Variants in ARL15 observed in about 807,000 individuals in gnomAD.
The protein encoded by ARL15 is ADP-ribosylation factor-like protein 15.
A neutral mutation model predicts 25.2 loss-of-function variants in ARL15; 19 were observed. The ratio of observed to expected loss-of-function variants is 0.75; its 90% CI spans 0.53 to 1.10. The LOEUF (loss-of-function observed/expected upper bound fraction) is 1.10, where lower values mean the gene tolerates loss of function less well. Among genes scored for constraint, ARL15 ranks in the 50% least tolerant of loss-of-function variants. The pLI, the probability that ARL15 is intolerant of heterozygous loss-of-function variation, is 0.00. For synonymous variants in ARL15, 94 were observed against 86.8 expected (o/e 1.08, Z -0.46); for missense variants, 220 against 246.0 (o/e 0.89, Z 0.71).
intron 1 of ARL15, among the ~76,000 whole-genome samples, chr5:54,263,347 A>C (rs1446960120): frequency 6.6e-6 from 1 of 152,178 alleles, no homozygotes; most frequent in African/African-American, 2.4e-5. Context: ...CAAATAAAAA[A>C]AGATTAGATA....
chr5:53,958,820 A>C (rs537635594), intron 4 of ARL15, among the ~76,000 whole-genome samples: 1 of 152,352 alleles, frequency 6.6e-6, no homozygotes, highest in African/African-American at 2.4e-5. Flanking sequence ...AAAAAAAGAT[A>C]TTATGTATTG....
intron 1 of ARL15, among the ~76,000 whole-genome samples, chr5:54,308,893 T>C (rs1283115391): frequency 6.6e-6 from 1 of 152,248 alleles, no homozygotes; most frequent in Non-Finnish European, 1.5e-5. Flanking sequence ...AATTAGCTTT[T>C]AGTAGTACAG....
chr5:53,906,816 G>C (rs1745263182), intron 4 of ARL15, among the ~76,000 whole-genome samples: 1 of 152,068 alleles, frequency 6.6e-6, no homozygotes, highest in African/African-American at 2.4e-5. Flanking sequence ...TCCTATATCT[G>C]CACAAAGCAT....
At chr5:53,940,701 C>T (rs975293001) in intron 4 of ARL15, among the ~76,000 whole-genome samples, 3 of 152,176 alleles carry the variant, frequency 2.0e-5, no homozygotes, top group Non-Finnish European at 2.9e-5. Context: ...AACATGCATA[C>T]TTCACTTATG....
intron 1 of ARL15, among the ~76,000 whole-genome samples, chr5:54,298,683 C>T (rs900625726): frequency 6.6e-6 from 1 of 152,104 alleles, no homozygotes; most frequent in Non-Finnish European, 1.5e-5. Context: ...CATGACAGCC[C>T]TCTGGCCAAG....
At chr5:54,271,779 C>A (rs557752332) in intron 1 of ARL15, among the ~76,000 whole-genome samples, 2 of 152,188 alleles carry the variant, frequency 1.3e-5, no homozygotes, top group South Asian at 4.2e-4. Context: ...TTCAGATTCA[C>A]CTTATATAAT....
chr5:54,151,936 C>A (rs1754080932), intron 3 of ARL15, among the ~76,000 whole-genome samples: 2 of 152,078 alleles, frequency 1.3e-5, no homozygotes, highest in Non-Finnish European at 2.9e-5. Flanking sequence ...GCAGGGAGAA[C>A]AGGGGCCATG....
intron 1 of ARL15, among the ~76,000 whole-genome samples, chr5:54,188,616 G>A (rs2112450743): frequency 6.6e-6 from 1 of 152,198 alleles, no homozygotes. Context: ...AGAGGATCAG[G>A]GCTCACTTGG....
At chr5:54,075,661 ATTT>A (rs1751575646) in intron 4 of ARL15, 1 of 151,732 alleles carries the variant, frequency 6.6e-6, no homozygotes, top group African/African-American at 2.4e-5. Context: ...TAATTTTTGT[ATTT>A]TTAGTAGAGA....
intron 4 of ARL15, among the ~76,000 whole-genome samples, chr5:53,925,007 A>T (rs1448321558): frequency 6.6e-6 from 1 of 152,162 alleles, no homozygotes; most frequent in Non-Finnish European, 1.5e-5. Flanking sequence ...GCATTTTCAC[A>T]GAAGTCTCCT....
chr5:54,172,058 G>A, intron 1 of ARL15, 130 bp from the exon 2 acceptor site: 1 of 1,138,344 alleles, frequency 8.8e-7, no homozygotes, highest in Non-Finnish European at 1.2e-6. Context: ...GAAGAAAACG[G>A]TAACTTTAGA....
At chr5:53,926,733 T>A (rs114193381) in intron 4 of ARL15, among the ~76,000 whole-genome samples, 4,384 of 152,240 alleles carry the variant, frequency 0.029, 248 homozygotes, top group African/African-American at 0.1. Context: ...AATGATTCTC[T>A]CTCTGCCATC....
intron 4 of ARL15, among the ~76,000 whole-genome samples, chr5:53,981,900 C>CAA (rs553509243): frequency 6.9e-6 from 1 of 144,624 alleles, no homozygotes; most frequent in Admixed American, 7.0e-5. Flanking sequence ...AACTCTGTCT[C>CAA]AAAAAAAAAG....
intron 1 of ARL15, among the ~76,000 whole-genome samples, chr5:54,225,446 C>T (rs1756493245): frequency 6.6e-6 from 1 of 152,058 alleles, no homozygotes; most frequent in African/African-American, 2.4e-5. Context: ...TGCCGACTTG[C>T]AAGAAGAGTC....
intron 4 of ARL15, among the ~76,000 whole-genome samples, chr5:53,964,702 A>G (rs2112161772): frequency 6.6e-6 from 1 of 152,300 alleles, no homozygotes; most frequent in Non-Finnish European, 1.5e-5. Context: ...ACCAAAATTC[A>G]TAGGCTCCCT....
At chr5:53,971,377 A>G (rs1381781687) in intron 4 of ARL15, among the ~76,000 whole-genome samples, 2 of 152,170 alleles carry the variant, frequency 1.3e-5, no homozygotes, top group Non-Finnish European at 2.9e-5. Flanking sequence ...TGAAAGAGAG[A>G]AAACTTGCCA....
intron 4 of ARL15, among the ~76,000 whole-genome samples, chr5:54,105,244 G>A (rs1386661265): frequency 2.6e-5 from 4 of 151,982 alleles, no homozygotes; most frequent in African/African-American, 9.6e-5. Context: ...GGAACTAAGG[G>A]ACAAGGAAAG....
chr5:54,000,192 T>C (rs1736407235), intron 4 of ARL15, among the ~76,000 whole-genome samples: 1 of 152,196 alleles, frequency 6.6e-6, no homozygotes. Flanking sequence ...GCAAGGCTTT[T>C]AGGCCAAGGA....
chr5:53,935,154 T>C (rs1746314318), intron 4 of ARL15, among the ~76,000 whole-genome samples: 1 of 152,186 alleles, frequency 6.6e-6, no homozygotes, highest in Non-Finnish European at 1.5e-5. Context: ...AATAAATGAA[T>C]GTAAAAAAAT....
Sources: allele counts gnomAD v4.1 joint callset (sites outside exome capture counted in the v4.1 genomes callset), GRCh38; gene constraint gnomAD v4.1.1; transcripts MANE v1.5; gene names NCBI Gene and HGNC (gene_info 2026-07-23, HGNC 2026-07-21).